The following CDH2 variants were observed in gnomAD, a reference collection of about 807,000 sequenced individuals.
The protein encoded by CDH2 is cadherin-2.
CDH2 carries 17 observed loss-of-function variants against 92.0 expected under a neutral mutation model. That is an observed-to-expected ratio of 0.18 (90% CI 0.13 to 0.28). CDH2 has a LOEUF of 0.28. Ranked by LOEUF, CDH2 falls within the 10% of genes least tolerant of loss-of-function variation. CDH2 has a pLI of 1.00. For missense variants in CDH2, 862 were observed against 1,133.1 expected (o/e 0.76, Z 3.44); for synonymous variants, 419 against 415.9 (o/e 1.01, Z -0.09).
At chr18:28,122,745 T>C (rs139292052) in intron 2 of CDH2, among the ~76,000 whole-genome samples, 164 of 152,168 alleles carry the variant, frequency 1.1e-3, no homozygotes, top group Non-Finnish European at 2.0e-3. Context: ...ACAACTCTTT[T>C]AGCAGACTAG....
intron 7 of CDH2, among the ~76,000 whole-genome samples, chr18:27,998,889 T>C (rs894980555): frequency 7.9e-5 from 12 of 152,154 alleles, no homozygotes; most frequent in African/African-American, 2.4e-4. Flanking sequence ...GGGTGCCCCT[T>C]GGAGAAGACT....
chr18:28,158,844 A>G (rs2016261788), intron 1 of CDH2, among the ~76,000 whole-genome samples: 1 of 152,220 alleles, frequency 6.6e-6, no homozygotes, highest in Admixed American at 6.5e-5. Context: ...GACATTAAAG[A>G]CACTGCAAAA....
chr18:28,131,683 G>GTTGTGTGTGTGTGT (rs374374605), intron 2 of CDH2, among the ~76,000 whole-genome samples: 19 of 150,298 alleles, frequency 1.3e-4, no homozygotes, highest in Non-Finnish European at 1.9e-4. Flanking sequence ...AAGCATTTGT[G>GTTGTGTGTGTGTGT]GTGTGTGTGT....
chr18:28,132,870 C>T (rs548659012), intron 2 of CDH2, among the ~76,000 whole-genome samples: 1 of 152,318 alleles, frequency 6.6e-6, no homozygotes, highest in African/African-American at 2.4e-5. Context: ...AGATGACTCG[C>T]ACCCTATCAG....
chr18:27,987,373 T>A lies in CDH2; in HGVS notation c.1741+1151A>T, dbSNP rs28365278. Reference sequence around the variant, plus strand: ...GTCCCATATTAAAAAGGATAAGAAATATTTCTTTGGTTGGTCACTACATAG... The same window carrying A: ...GTCCCATATTAAAAAGGATAAGAAAAATTTCTTTGGTTGGTCACTACATAG... On this transcript the variant is annotated intron_variant, in intron 11 of 15. Transcript: ENST00000269141. Among the ~76,000 whole-genome samples the A allele has an allele frequency of 2.0e-5, 3 of 152,262 alleles. No homozygotes were observed. In the East Asian group the frequency reaches 5.8e-4, roughly 29 times the overall value.
At chr18:28,069,737 AC>A (rs1352231198) in intron 2 of CDH2, among the ~76,000 whole-genome samples, 1 of 152,182 alleles carries the variant, frequency 6.6e-6, no homozygotes, top group Non-Finnish European at 1.5e-5. Flanking sequence ...TAAGGCATCT[AC>A]CATATTTTAT....
At chr18:28,045,359 T>C (rs2014053107) in intron 2 of CDH2, 2 of 454,182 alleles carry the variant, frequency 4.4e-6, no homozygotes, top group African/African-American at 4.1e-5. Context: ...CCAAAGCTTA[T>C]CAGGTTTAAA....
chr18:28,055,773 A>G (rs2014280317), intron 2 of CDH2, among the ~76,000 whole-genome samples: 1 of 152,166 alleles, frequency 6.6e-6, no homozygotes, highest in Non-Finnish European at 1.5e-5. Context: ...CTGTTTTTGT[A>G]TGGTGCAAAG....
At chr18:28,023,838 A>G (rs1331760323) in intron 2 of CDH2, among the ~76,000 whole-genome samples, 1 of 152,186 alleles carries the variant, frequency 6.6e-6, no homozygotes, top group Non-Finnish European at 1.5e-5. Context: ...GATGTGTGAC[A>G]TGCCCTCACT....
At chr18:28,038,165 T>C (rs1251982040) in intron 2 of CDH2, among the ~76,000 whole-genome samples, 1 of 152,132 alleles carries the variant, frequency 6.6e-6, no homozygotes, top group Non-Finnish European at 1.5e-5. Flanking sequence ...GGCTCAGACC[T>C]ATAGTCCCAG....
intron 2 of CDH2, among the ~76,000 whole-genome samples, chr18:28,081,373 T>C (rs980371766): frequency 6.6e-6 from 1 of 152,222 alleles, no homozygotes; most frequent in Non-Finnish European, 1.5e-5. Flanking sequence ...TTAATTCATT[T>C]ATCCTTGAAA....
intron 6 of CDH2, among the ~76,000 whole-genome samples, chr18:28,003,605 C>T (rs2012832715): frequency 6.6e-6 from 1 of 152,164 alleles, no homozygotes; most frequent in Non-Finnish European, 1.5e-5. Flanking sequence ...GTATGATTCT[C>T]CCCAGTGCCT....
At chr18:28,001,236 C>G (rs1214272232) in intron 7 of CDH2, among the ~76,000 whole-genome samples, 35 of 152,190 alleles carry the variant, frequency 2.3e-4, no homozygotes, top group Admixed American at 2.3e-3. Flanking sequence ...CTTTCATCCT[C>G]TAAACGAAAT....
intron 2 of CDH2, chr18:28,036,588 T>C (rs756214450): frequency 4.5e-5 from 64 of 1,430,616 alleles, no homozygotes; most frequent in Non-Finnish European, 6.0e-5. Flanking sequence ...TTCTGCTTAG[T>C]GAACAAAGTC....
chr18:28,020,242 TA>T (rs1264588921), intron 2 of CDH2, among the ~76,000 whole-genome samples: 1 of 151,946 alleles, frequency 6.6e-6, no homozygotes, highest in Non-Finnish European at 1.5e-5. Context: ...TAAAAGTTAA[TA>T]GGAAAAAAGT....
intron 2 of CDH2, among the ~76,000 whole-genome samples, chr18:28,057,017 G>A (rs17535706): frequency 9.3e-4 from 141 of 152,174 alleles, no homozygotes; most frequent in African/African-American, 3.3e-3. Context: ...CCTTGTCAAC[G>A]GCATCATTAT....
rs17535650 is a variant in CDH2 at position 28,051,805 on chromosome 18, G to A, written c.173-37896C>T. On this transcript the variant is annotated intron_variant, in intron 2 of 15. Coordinates refer to ENST00000269141, the MANE Select transcript of CDH2 (RefSeq NM_001792.5). Reference sequence around the variant, plus strand: ...AGTGTACTGTTATATCTTTTACTACGAAATCACTACGTAATAATGATAATT... The same window carrying A: ...AGTGTACTGTTATATCTTTTACTACAAAATCACTACGTAATAATGATAATT... Among the ~76,000 whole-genome samples the A allele has an allele frequency of 9.1e-3, 1,379 of 152,118 alleles. 17 individuals carry two copies. The highest frequency in any genetic ancestry group is 0.043 in the East Asian group (220 of 5,170).
chr18:28,158,014 C>T (rs933531653), intron 1 of CDH2, among the ~76,000 whole-genome samples: 4 of 152,126 alleles, frequency 2.6e-5, no homozygotes, highest in African/African-American at 9.7e-5. Context: ...CTGGAGTCCC[C>T]TGTATTCATG....
chr18:28,159,918 A>G (rs1422062214), intron 1 of CDH2, among the ~76,000 whole-genome samples: 1 of 152,104 alleles, frequency 6.6e-6, no homozygotes, highest in Non-Finnish European at 1.5e-5. Flanking sequence ...CAGTCTCCCA[A>G]AGTGCTGGGA....
Sources: allele counts gnomAD v4.1 joint callset (sites outside exome capture counted in the v4.1 genomes callset), GRCh38; gene constraint gnomAD v4.1.1; transcripts MANE v1.5; gene names NCBI Gene and HGNC (gene_info 2026-07-23, HGNC 2026-07-21).